ABCA4: variants seen among roughly 807,000 people sequenced by gnomAD.
The protein encoded by ABCA4 is retinal-specific phospholipid-transporting ATPase ABCA4.
ABCA4 carries 196 observed loss-of-function variants against 263.7 expected under a neutral mutation model. That is an observed-to-expected ratio of 0.74 (90% CI 0.66 to 0.84). The LOEUF (loss-of-function observed/expected upper bound fraction) is 0.84, where lower values mean the gene tolerates loss of function less well. Among genes scored for constraint, ABCA4 ranks in the 40% least tolerant of loss-of-function variants. The probability of loss-of-function intolerance (pLI) is 0.00; values close to 1 mark genes in which losing one functional copy is unlikely to be tolerated. For missense variants in ABCA4, 2,792 were observed against 2,855.1 expected (o/e 0.98, Z 0.50); for synonymous variants, 1,133 against 1,094.2 (o/e 1.04, Z -0.70).
Position 94,070,212 on chromosome 1 carries a change from C to T in ABCA4, c.1555-6895G>A, listed in dbSNP as rs543983946. Reference sequence around the variant, plus strand: ...ATTTCAGCCACACCAGTGAATGCCACTTGAACTGCAGTTTGGGTTATCATC... The same window carrying T: ...ATTTCAGCCACACCAGTGAATGCCATTTGAACTGCAGTTTGGGTTATCATC... On this transcript the variant is annotated intron_variant, in intron 11 of 49. Coordinates refer to ENST00000370225, the MANE Select transcript of ABCA4 (RefSeq NM_000350.3). 2.2e-3 allele frequency among the ~76,000 whole-genome samples: 329 copies of T among 152,352 alleles called. 1 individual carries two copies. Among genetic ancestry groups the T allele is most frequent in the African/African-American group, 7.5e-3 (312 of 41,578 alleles).
rs759626083 is a variant in ABCA4, at chr1:94,029,608, G to A, written c.4376C>T (p.Thr1459Ile). The change falls in exon 30 of 50, where the codon ACA (threonine) becomes ATA (isoleucine). Residue 1459 changes from threonine (T) to isoleucine (I), a missense_variant. By Grantham distance (89) the Thr-to-Ile change is moderately conservative. Transcript: ENST00000370225. ...GGACACAGAAGGAGTCTTCCAGGGT[G>A]TTGAGTTGCCACAGGGGTACTCCCT... ...WLPEYPCGNS[T>I]PWKTPSVSPN... 17 of 1,613,926 alleles carry A rather than the reference G, an allele frequency of 1.1e-5. No homozygotes were observed. In the Admixed American group the frequency reaches 1.7e-4, roughly 16 times the overall value.
intron 48 of ABCA4, 88 bp downstream of exon 48, chr1:93,997,773 T>G (rs1406718114): frequency 1.9e-6 from 3 of 1,554,474 alleles, no homozygotes; most frequent in Non-Finnish European, 2.6e-6. Context: ...TCGGGAATGT[T>G]ATGCCTCCCT....
chr1:94,032,449 C>T (rs1228222467), intron 26 of ABCA4, among the ~76,000 whole-genome samples: 1 of 152,154 alleles, frequency 6.6e-6, no homozygotes, highest in East Asian at 1.9e-4. Flanking sequence ...CCAGCTTGAC[C>T]TACATAGTGA....
chr1:94,033,515 C>G (rs992021813), intron 26 of ABCA4, among the ~76,000 whole-genome samples: 2 of 151,890 alleles, frequency 1.3e-5, no homozygotes, highest in African/African-American at 4.8e-5. Context: ...CTCTAGAAAC[C>G]ATTGCAAGTT....
At chr1:94,047,367 G>C (rs1660715040) in intron 18 of ABCA4, among the ~76,000 whole-genome samples, 1 of 152,118 alleles carries the variant, frequency 6.6e-6, no homozygotes, top group African/African-American at 2.4e-5. Context: ...CATTTATTAG[G>C]CTCATTTCCA....
At chr1:94,092,818 TGAA>T (rs1022999126) in intron 6 of ABCA4, among the ~76,000 whole-genome samples, 1 of 152,116 alleles carries the variant, frequency 6.6e-6, no homozygotes, top group Admixed American at 6.6e-5. Context: ...TGGGGGGGTC[TGAA>T]GAAGGAGAAA....
chr1:94,091,865 C>T (rs776254556), intron 6 of ABCA4, among the ~76,000 whole-genome samples: 6 of 152,182 alleles, frequency 3.9e-5, no homozygotes, highest in Non-Finnish European at 7.3e-5. Context: ...AAGATGATTC[C>T]GGCCCTAAGA....
chr1:94,060,780 C>A, intron 13 of ABCA4, 21 bp from the exon 14 acceptor site: 12 of 1,569,980 alleles, frequency 7.6e-6, no homozygotes, highest in Non-Finnish European at 1.0e-5. Flanking sequence ...AGGAGAGAAG[C>A]AGAATAGTAG....
intron 38 of ABCA4, among the ~76,000 whole-genome samples, chr1:94,013,180 C>A (rs991402012): frequency 4.6e-5 from 7 of 151,954 alleles, no homozygotes; most frequent in Non-Finnish European, 8.8e-5. Flanking sequence ...CACTTTCAGT[C>A]ACCTGGGTGC....
At position 94,086,147 on chromosome 1, in the gene ABCA4, G is replaced by A. The variant is rs190794949; in HGVS notation, c.769-2706C>T. On this transcript the variant is annotated intron_variant, in intron 6 of 49. Coordinates refer to ENST00000370225, the MANE Select transcript of ABCA4 (RefSeq NM_000350.3). ...TGGGCACTCAGTATTTGATGTGTGA[G>A]TAAATGATCTTATCAGAATAACAAG... 1.8e-4 allele frequency among the ~76,000 whole-genome samples: 27 copies of A among 152,236 alleles called. No homozygotes were observed. In the East Asian group the frequency reaches 5.0e-3, roughly 28 times the overall value.
intron 15 of ABCA4, among the ~76,000 whole-genome samples, 185 bp downstream of exon 15, chr1:94,056,416 T>C (rs954060117): frequency 2.0e-5 from 3 of 152,212 alleles, no homozygotes; most frequent in African/African-American, 7.2e-5. Flanking sequence ...GGAGTCACTG[T>C]TGCATCGCTC....
intron 4 of ABCA4, among the ~76,000 whole-genome samples, chr1:94,104,719 G>C (rs1316996088): frequency 6.6e-6 from 1 of 152,190 alleles, no homozygotes; most frequent in African/African-American, 2.4e-5. Context: ...AAGATCCAAG[G>C]ACTTTGGGGA....
intron 27 of ABCA4, 23 bp downstream of exon 27, chr1:94,031,755 T>C (rs918267837): frequency 6.2e-7 from 1 of 1,612,868 alleles, no homozygotes; most frequent in African/African-American, 1.3e-5. Flanking sequence ...TGAGCTCAGC[T>C]AAACACCGAC....
chr1:94,008,251 C>T lies in ABCA4; in HGVS notation c.5882G>A (p.Gly1961Glu), dbSNP rs1800553. ...SSPAVDRLCV[G>E]VRPGECFGLL... ...AGTACCCACCTCTCCAGGGCGAACT[C>T]CGACACACAGCCTGTCCACTGCTGG... is the stretch of plus-strand genomic sequence containing the variant. Residue 1961 changes from glycine (G) to glutamate (E), a missense_variant, in exon 42 of 50, where the codon GGA becomes GAA. Gly to Glu is a moderately conservative substitution (Grantham distance 98, BLOSUM62 -2). Coordinates refer to ENST00000370225, the MANE Select transcript of ABCA4 (RefSeq NM_000350.3). The T allele has an allele frequency of 3.4e-3, 5,498 of 1,614,012 alleles. 44 individuals carry two copies. The highest frequency in any genetic ancestry group is 0.021 in the Middle Eastern group (125 of 6,062).
At chr1:94,019,810 G>T (rs1219584670) in intron 35 of ABCA4, 51 bp from the exon 36 acceptor site, 2 of 1,567,808 alleles carry the variant, frequency 1.3e-6, no homozygotes, top group South Asian at 2.3e-5. Flanking sequence ...GGGAAGAGCA[G>T]AAGGAGGAGA....
rs75189785 is a variant in ABCA4 at position 94,022,250 on chromosome 1, T to C, written c.4668-299A>G. Reference sequence around the variant, plus strand: ...GCCTATTCTGGACATATCGAGTCACTTCCAGAGCTCCTCATGGCCCAGACT... The same window carrying C: ...GCCTATTCTGGACATATCGAGTCACCTCCAGAGCTCCTCATGGCCCAGACT... On this transcript the variant is annotated intron_variant, in intron 32 of 49. Coordinates refer to ENST00000370225, the MANE Select transcript of ABCA4 (RefSeq NM_000350.3). 1.6e-3 allele frequency among the ~76,000 whole-genome samples: 237 copies of C among 152,286 alleles called. 2 individuals carry two copies. Among genetic ancestry groups the C allele is most frequent in the African/African-American group, 5.4e-3 (226 of 41,556 alleles).
intron 36 of ABCA4, among the ~76,000 whole-genome samples, chr1:94,018,384 C>G (rs1164110458): frequency 1.3e-5 from 2 of 152,220 alleles, no homozygotes; most frequent in Non-Finnish European, 2.9e-5. Context: ...AGTTGATGCT[C>G]TTATCCAAAG....
intron 13 of ABCA4, 51 bp downstream of exon 13, chr1:94,062,526 C>T (rs1194701891): frequency 6.2e-7 from 1 of 1,602,834 alleles, no homozygotes; most frequent in Non-Finnish European, 8.5e-7. Flanking sequence ...CAGCCCACTC[C>T]AGCACCCCCA....
rs2101050783 is a variant in ABCA4, at chr1:94,042,906, C to T, written c.3191-8G>A. 1 of 1,614,150 alleles carries T rather than the reference C, an allele frequency of 6.2e-7. No individual in the cohort carries two copies. The highest frequency in any genetic ancestry group is 8.5e-7 in the Non-Finnish European group (1 of 1,180,034). On this transcript the variant is annotated splice_polypyrimidine_tract_variant and splice_region_variant and intron_variant, in intron 21 of 49. Transcript: ENST00000370225. The stretch of plus-strand genomic sequence containing the variant: ...GCTTTCTCTGCATGCCACCTGGAGG[C>T]ACAAGAAGGACGGGAGAGTTAAGGG...
Sources: allele counts gnomAD v4.1 joint callset (sites outside exome capture counted in the v4.1 genomes callset), GRCh38; gene constraint gnomAD v4.1.1; transcripts MANE v1.5; gene names NCBI Gene and HGNC (gene_info 2026-07-23, HGNC 2026-07-21).